The following SCHIP1 variants were observed in gnomAD, a reference collection of about 807,000 sequenced individuals.
SCHIP1 encodes schwannomin interacting protein 1.
A neutral mutation model predicts 29.7 loss-of-function variants in SCHIP1; 8 were observed. The observed-to-expected ratio is 0.27, with a 90% CI of 0.16 to 0.49. SCHIP1 has a LOEUF of 0.49. SCHIP1 is among the 20% of genes least tolerant of loss of function. SCHIP1 has a pLI of 0.99. For synonymous variants in SCHIP1, 76 were observed against 94.9 expected, an observed-to-expected ratio of 0.80 and a Z score of 1.16; for missense variants, 193 against 294.6, an observed-to-expected ratio of 0.66 and a Z score of 2.52.
chr3:159,819,763 G>A, the SCHIP1 span, among the ~76,000 whole-genome samples: 1 of 152,354 alleles, frequency 6.6e-6, no homozygotes, highest in East Asian at 1.9e-4. Flanking sequence ...ACCAGGCAGT[G>A]TATCTAGGAC....
the SCHIP1 span, among the ~76,000 whole-genome samples, chr3:159,826,040 A>G: frequency 9.2e-5 from 14 of 152,344 alleles, no homozygotes; most frequent in Non-Finnish European, 1.3e-4. Context: ...ATCAGGGCCA[A>G]TAACATAATG....
the SCHIP1 span, among the ~76,000 whole-genome samples, chr3:159,833,424 C>T: frequency 5.8e-4 from 89 of 152,270 alleles, no homozygotes; most frequent in East Asian, 0.016. Context: ...TATGCCTCCC[C>T]GACTTTTACT....
At chr3:159,843,559 G>A (rs71625413) in intron 1 of SCHIP1, among the ~76,000 whole-genome samples, 18,715 of 151,838 alleles carry the variant, frequency 0.12, 1,418 homozygotes, top group Middle Eastern at 0.29. Context: ...GGTGGCTCAC[G>A]CCTGTAATCC....
At chr3:159,436,708 A>G in the SCHIP1 span, among the ~76,000 whole-genome samples, 1 of 152,158 alleles carries the variant, frequency 6.6e-6, no homozygotes, top group Non-Finnish European at 1.5e-5. Flanking sequence ...CTGCAAAGGG[A>G]ATTAAATACT....
intron 2 of SCHIP1, among the ~76,000 whole-genome samples, chr3:159,874,737 C>T (rs186722671): frequency 1.6e-4 from 24 of 152,250 alleles, no homozygotes; most frequent in East Asian, 1.2e-3. Context: ...GTAAGCACAA[C>T]GGTTATATCT....
the SCHIP1 span, among the ~76,000 whole-genome samples, chr3:159,772,780 G>A: frequency 2.6e-5 from 4 of 151,984 alleles, no homozygotes; most frequent in African/African-American, 7.2e-5. Context: ...TTGCTCTGTC[G>A]CCTAGGCTGG....
At chr3:159,583,791 C>T in the SCHIP1 span, among the ~76,000 whole-genome samples, 1 of 152,228 alleles carries the variant, frequency 6.6e-6, no homozygotes, top group African/African-American at 2.4e-5. Context: ...GCAATGATTA[C>T]GTTAGTTTTG....
the SCHIP1 span, among the ~76,000 whole-genome samples, chr3:159,712,956 T>C: frequency 6.6e-6 from 1 of 150,970 alleles, no homozygotes; most frequent in South Asian, 2.1e-4. Context: ...GTCAGGAGTT[T>C]GAGACCAGCC....
intron 1 of SCHIP1, among the ~76,000 whole-genome samples, chr3:159,843,955 G>C (rs1320478726): frequency 2.0e-5 from 3 of 151,846 alleles, no homozygotes; most frequent in Admixed American, 1.3e-4. Context: ...TGTGTGAGCT[G>C]GTTATCTATC....
chr3:159,315,071 A>G, the SCHIP1 span, among the ~76,000 whole-genome samples: 10 of 152,200 alleles, frequency 6.6e-5, no homozygotes, highest in African/African-American at 2.4e-4. Flanking sequence ...AGGTTTTAGT[A>G]GCTATTGCGA....
At chr3:159,727,450 C>T in the SCHIP1 span, among the ~76,000 whole-genome samples, 91 of 152,318 alleles carry the variant, frequency 6.0e-4, no homozygotes, top group East Asian at 0.014. Context: ...AGACTGTCAA[C>T]AAATCTTGTC....
chr3:159,408,130 C>G, the SCHIP1 span, among the ~76,000 whole-genome samples: 1 of 152,068 alleles, frequency 6.6e-6, no homozygotes, highest in Non-Finnish European at 1.5e-5. Context: ...AACCACGTCT[C>G]TACTAAAAAT....
At chr3:159,489,467 G>A in the SCHIP1 span, among the ~76,000 whole-genome samples, 1 of 152,254 alleles carries the variant, frequency 6.6e-6, no homozygotes, top group East Asian at 1.9e-4. Context: ...CAGTACAAAT[G>A]CTTCACTCTG....
the SCHIP1 span, among the ~76,000 whole-genome samples, chr3:159,795,822 G>T: frequency 6.6e-6 from 1 of 152,192 alleles, no homozygotes; most frequent in African/African-American, 2.4e-5. Flanking sequence ...GGACCATATG[G>T]CCATGGAGTA....
chr3:159,521,648 A>C, the SCHIP1 span, among the ~76,000 whole-genome samples: 5 of 152,238 alleles, frequency 3.3e-5, no homozygotes, highest in Admixed American at 2.0e-4. Flanking sequence ...TCTTCGCTGG[A>C]ATAACAGTAA....
the SCHIP1 span, among the ~76,000 whole-genome samples, chr3:159,303,595 C>G: frequency 6.6e-6 from 1 of 151,902 alleles, no homozygotes; most frequent in Non-Finnish European, 1.5e-5. Context: ...TCTTGGGTCA[C>G]AGACAAGGTC....
the SCHIP1 span, among the ~76,000 whole-genome samples, chr3:159,520,535 G>C: frequency 1.3e-5 from 2 of 152,162 alleles, no homozygotes; most frequent in Non-Finnish European, 2.9e-5. Context: ...AATCTATAAA[G>C]TTCTGCCTTC....
At chr3:159,759,256 A>T in the SCHIP1 span, among the ~76,000 whole-genome samples, 1 of 152,364 alleles carries the variant, frequency 6.6e-6, no homozygotes, top group Non-Finnish European at 1.5e-5. Flanking sequence ...CTACACGTAT[A>T]GACTAGTAAG....
At chr3:159,551,616 T>A in the SCHIP1 span, among the ~76,000 whole-genome samples, 10 of 152,302 alleles carry the variant, frequency 6.6e-5, no homozygotes, top group South Asian at 2.1e-3. Flanking sequence ...GGTTGCTCAA[T>A]AAAAATGTTT....
Sources: gnomAD v4.1 joint callset for allele counts (sites outside exome capture counted in the v4.1 genomes callset) on GRCh38, gnomAD v4.1.1 for gene constraint, MANE v1.5 for transcripts, NCBI Gene and HGNC (gene_info 2026-07-23, HGNC 2026-07-21) for gene names.